The following ATE1 variants were observed in gnomAD, a reference collection of about 807,000 sequenced individuals.
The protein encoded by ATE1 is arginyltransferase 1.
In ATE1, 36 loss-of-function variants were observed where a neutral mutation model predicts 70.5. That is an observed-to-expected ratio of 0.51 (90% CI 0.39 to 0.67). The LOEUF is 0.67. Among genes scored for constraint, ATE1 ranks in the 30% least tolerant of loss-of-function variants. ATE1 has a pLI of 0.00. For synonymous variants in ATE1, 232 were observed against 219.3 expected (o/e 1.06, Z -0.51); for missense variants, 593 against 629.5 (o/e 0.94, Z 0.62).
intron 11 of ATE1, among the ~76,000 whole-genome samples, chr10:121,770,233 AACACACACAC>A (rs3036837): frequency 0.026 from 3,597 of 136,910 alleles, 146 homozygotes; most frequent in African/African-American, 0.083. Flanking sequence ...ACAAGAGAGA[AACACACACAC>A]ACACACACAC....
chr10:121,812,402 C>G (rs1590365745), intron 10 of ATE1, among the ~76,000 whole-genome samples: 1 of 152,046 alleles, frequency 6.6e-6, no homozygotes, highest in East Asian at 1.9e-4. Context: ...CAATAAATGG[C>G]AACAAAGGGA....
chr10:121,902,180 A>C (rs1486087427), intron 6 of ATE1, among the ~76,000 whole-genome samples: 1 of 152,176 alleles, frequency 6.6e-6, no homozygotes, highest in Admixed American at 6.6e-5. Context: ...GTATTCTCAA[A>C]AAGTCTTTTA....
At chr10:121,874,614 C>G (rs759969665) in intron 7 of ATE1, among the ~76,000 whole-genome samples, 10 of 152,176 alleles carry the variant, frequency 6.6e-5, no homozygotes, top group Non-Finnish European at 1.2e-4. Context: ...TAGCTATTCT[C>G]TATCCCAATT....
intron 11 of ATE1, among the ~76,000 whole-genome samples, chr10:121,789,502 T>A (rs1946349200): frequency 1.3e-5 from 2 of 152,160 alleles, no homozygotes; most frequent in East Asian, 3.9e-4. Context: ...TTTCACCATG[T>A]TGGCCAGGCT....
intron 11 of ATE1, among the ~76,000 whole-genome samples, chr10:121,764,513 G>T (rs996385443): frequency 6.7e-6 from 1 of 149,906 alleles, no homozygotes; most frequent in African/African-American, 2.5e-5. Flanking sequence ...GATTGAGGAA[G>T]TTCTTTAGGT....
intron 7 of ATE1, among the ~76,000 whole-genome samples, chr10:121,874,762 T>C (rs920266600): frequency 2.6e-5 from 4 of 152,062 alleles, no homozygotes; most frequent in African/African-American, 9.7e-5. Context: ...TCCCAGCACT[T>C]TGGGAGGCCA....
At chr10:121,804,004 G>A (rs1204697810) in intron 10 of ATE1, among the ~76,000 whole-genome samples, 1 of 152,192 alleles carries the variant, frequency 6.6e-6, no homozygotes, top group Non-Finnish European at 1.5e-5. Flanking sequence ...GATGCCATCA[G>A]TATTCTGTGT....
chr10:121,847,387 G>A (rs1385836260), intron 8 of ATE1, among the ~76,000 whole-genome samples: 1 of 152,088 alleles, frequency 6.6e-6, no homozygotes. Flanking sequence ...GGCGGAGGTT[G>A]CAGTGAGCTG....
intron 10 of ATE1, among the ~76,000 whole-genome samples, chr10:121,825,556 CAT>C (rs1207135925): frequency 2.0e-5 from 3 of 152,156 alleles, no homozygotes; most frequent in Admixed American, 6.5e-5. Flanking sequence ...ACAAACGAAA[CAT>C]GTGAAGTCTG....
chr10:121,922,118 T>C (rs1951905352), intron 3 of ATE1, among the ~76,000 whole-genome samples: 1 of 152,204 alleles, frequency 6.6e-6, no homozygotes, highest in Non-Finnish European at 1.5e-5. Flanking sequence ...ATTAAGAGGG[T>C]ATTTTTTTCA....
intron 11 of ATE1, among the ~76,000 whole-genome samples, chr10:121,769,576 T>C (rs1329941118): frequency 1.3e-5 from 2 of 152,110 alleles, no homozygotes; most frequent in Non-Finnish European, 2.9e-5. Flanking sequence ...AATTGGAAAT[T>C]TGCTCTGCGA....
In ATE1 at chr10:121,911,066, T is replaced by C; in HGVS notation, c.423A>G (p.Lys141=). ...TCTCTTTGATGTCATCACTGAGTGT[T>C]TTAAGATCACACTGTATATCCAGTT... ...INKLDIQCDL[K]TLSDDIKESL... Residue 141 remains lysine (K), a synonymous_variant, in exon 5 of 12, where the codon AAA becomes AAG. Transcript: ENST00000224652. The C allele has an allele frequency of 6.2e-7, 1 of 1,613,438 alleles. No homozygotes were observed. The highest frequency in any genetic ancestry group is 1.1e-5 in the South Asian group (1 of 90,820).
At chr10:121,816,573 G>T (rs1354519806) in intron 10 of ATE1, among the ~76,000 whole-genome samples, 1 of 151,932 alleles carries the variant, frequency 6.6e-6, no homozygotes, top group Admixed American at 6.6e-5. Flanking sequence ...TTGTTTTCCT[G>T]TCCCTTCCAC....
intron 3 of ATE1, among the ~76,000 whole-genome samples, chr10:121,919,086 A>C (rs1447077575): frequency 6.6e-6 from 1 of 152,156 alleles, no homozygotes; most frequent in Non-Finnish European, 1.5e-5. Context: ...AAATAAGGGA[A>C]TAAAAGCTGG....
chr10:121,851,221 A>T (rs1436616882), intron 8 of ATE1, among the ~76,000 whole-genome samples: 1 of 150,914 alleles, frequency 6.6e-6, no homozygotes, highest in East Asian at 1.9e-4. Flanking sequence ...GGAGTTTGAG[A>T]CCAGCCTGGC....
chr10:121,879,606 A>G (rs1950167145), intron 7 of ATE1, among the ~76,000 whole-genome samples: 1 of 152,212 alleles, frequency 6.6e-6, no homozygotes, highest in South Asian at 2.1e-4. Context: ...AAATGCATCC[A>G]TTCATTTGTG....
rs1951408889 is a variant in ATE1, at chr10:121,911,149, C to CCATGG, written c.339_340insCCATG (p.Glu114ProfsTer19). 6.2e-7 allele frequency: 1 copy of CCATGG among 1,604,024 alleles called. No individual in the cohort carries two copies. Among genetic ancestry groups the CCATGG allele is most frequent in the African/African-American group, 1.3e-5 (1 of 74,180 alleles). ...TCATCCATTGTGGAATCCATGGGCT[C>CCATGG]ATCTACAAATCAGAAGAAATTAAAA... On this transcript the variant is annotated frameshift_variant and splice_region_variant, in exon 5 of 12. Transcript: ENST00000224652. LOFTEE classifies it high-confidence loss of function.
chr10:121,892,607 A>G (rs1950619154), intron 7 of ATE1, among the ~76,000 whole-genome samples: 2 of 148,946 alleles, frequency 1.3e-5, no homozygotes, highest in South Asian at 4.2e-4. Flanking sequence ...TCCAGGTTGG[A>G]GTAATTCTCC....
At chr10:121,806,096 A>C (rs1293906968) in intron 10 of ATE1, among the ~76,000 whole-genome samples, 1 of 152,236 alleles carries the variant, frequency 6.6e-6, no homozygotes, top group African/African-American at 2.4e-5. Flanking sequence ...ACAGGAGACT[A>C]AACTCTTCAA....
Sources: allele counts gnomAD v4.1 joint callset (sites outside exome capture counted in the v4.1 genomes callset), GRCh38; gene constraint gnomAD v4.1.1; transcripts MANE v1.5; gene names NCBI Gene and HGNC (gene_info 2026-07-23, HGNC 2026-07-21).